Variants in LRRC56 observed in about 807,000 individuals in gnomAD.
The protein encoded by LRRC56 is leucine rich repeat containing 56.
LRRC56 carries 41 observed loss-of-function variants against 47.8 expected under a neutral mutation model. The observed-to-expected ratio is 0.86, with a 90% confidence interval of 0.67 to 1.11. The LOEUF (loss-of-function observed/expected upper bound fraction) is 1.11, where lower values mean the gene tolerates loss of function less well. Ranked by LOEUF, LRRC56 falls within the 50% of genes most tolerant of loss-of-function variation. The pLI is 0.00. For synonymous variants in LRRC56, 387 were observed against 311.2 expected (o/e 1.24, Z -2.56); for missense variants, 759 against 704.2 (o/e 1.08, Z -0.88).
intron 5 of LRRC56, among the ~76,000 whole-genome samples, chr11:543,817 C>T (rs10794327): frequency 0.54 from 82,028 of 151,412 alleles, 23,126 homozygotes; most frequent in African/African-American, 0.7. Context: ...GGCGCAATCT[C>T]GGCTCACTGC....
intron 2 of LRRC56, among the ~76,000 whole-genome samples, chr11:539,170 T>C (rs1188835105): frequency 6.6e-6 from 1 of 152,326 alleles, no homozygotes; most frequent in Admixed American, 6.5e-5. Flanking sequence ...AAGCTCCACC[T>C]CCTGGGTTCA....
chr11:514,630 G>T, the LRRC56 span, among the ~76,000 whole-genome samples: 1 of 152,072 alleles, frequency 6.6e-6, no homozygotes, highest in Non-Finnish European at 1.5e-5. Flanking sequence ...AGGGTAGGGT[G>T]GTGGGAGCCC....
chr11:542,589 A>AAC (rs1851851896), intron 5 of LRRC56, among the ~76,000 whole-genome samples: 1 of 148,512 alleles, frequency 6.7e-6, no homozygotes, highest in African/African-American at 2.5e-5. Context: ...GCAAAAAAAA[A>AAC]AAAAAAAAAA....
the LRRC56 span, among the ~76,000 whole-genome samples, chr11:511,552 G>C: frequency 1.3e-5 from 2 of 152,236 alleles, no homozygotes; most frequent in Non-Finnish European, 2.9e-5. Flanking sequence ...AGGAGCTCAT[G>C]ATAGAGCAGG....
intron 6 of LRRC56, among the ~76,000 whole-genome samples, chr11:549,642 C>T (rs1439459833): frequency 6.6e-6 from 1 of 152,248 alleles, no homozygotes; most frequent in African/African-American, 2.4e-5. Flanking sequence ...GAGCCACCCA[C>T]TATGAGGGCA....
the LRRC56 span, chr11:529,078 C>A: frequency 6.6e-6 from 1 of 152,272 alleles, no homozygotes; most frequent in Non-Finnish European, 1.5e-5. Context: ...CTGTTCCACA[C>A]GGACTATGAA....
the LRRC56 span, among the ~76,000 whole-genome samples, chr11:512,510 C>T: frequency 6.6e-5 from 10 of 152,278 alleles, no homozygotes; most frequent in East Asian, 1.9e-4. Flanking sequence ...GCTGGGATGA[C>T]ACTGAGCCAC....
the LRRC56 span, among the ~76,000 whole-genome samples, chr11:520,394 C>G: frequency 2.0e-5 from 3 of 152,180 alleles, no homozygotes; most frequent in East Asian, 5.8e-4. Context: ...GATCTCGGCT[C>G]TCTGCAACCT....
chr11:551,406 C>A, intron 9 of LRRC56, 104 bp downstream of exon 9: 1 of 824,564 alleles, frequency 1.2e-6, no homozygotes, highest in Non-Finnish European at 1.9e-6. Flanking sequence ...ATCTCATGCG[C>A]TTCTCCAGCC....
At chr11:551,385 C>A in intron 9 of LRRC56, 83 bp downstream of exon 9, 1 of 958,416 alleles carries the variant, frequency 1.0e-6, no homozygotes, top group Non-Finnish European at 1.6e-6. Flanking sequence ...TTCTCAGAAA[C>A]GGATAGCCAC....
chr11:543,802 G>A (rs528690443), intron 5 of LRRC56, among the ~76,000 whole-genome samples: 25 of 152,164 alleles, frequency 1.6e-4, no homozygotes, highest in Non-Finnish European at 2.8e-4. Flanking sequence ...AGGCTGGAGT[G>A]CAGTGGCGCA....
the LRRC56 span, among the ~76,000 whole-genome samples, chr11:527,310 T>C: frequency 2.8e-4 from 42 of 151,824 alleles, no homozygotes; most frequent in Admixed American, 2.5e-3. Context: ...AAAAAAAAAA[T>C]TTGCAACGTG....
the LRRC56 span, among the ~76,000 whole-genome samples, chr11:517,365 C>G: frequency 6.0e-5 from 9 of 149,730 alleles, no homozygotes; most frequent in Non-Finnish European, 1.2e-4. Flanking sequence ...GAAGTGGGCG[C>G]CTCTGCCCAG....
At chr11:510,253 G>C in the LRRC56 span, among the ~76,000 whole-genome samples, 1 of 152,226 alleles carries the variant, frequency 6.6e-6, no homozygotes, top group Non-Finnish European at 1.5e-5. Flanking sequence ...AGACCCCGGG[G>C]AGAGAGGCAC....
At chr11:532,030 C>G in the LRRC56 span, among the ~76,000 whole-genome samples, 1 of 152,228 alleles carries the variant, frequency 6.6e-6, no homozygotes, top group Admixed American at 6.5e-5. Context: ...TCCTTATGAT[C>G]TGCCTGCTTG....
upstream of LRRC56, among the ~76,000 whole-genome samples, chr11:534,925 G>C (rs924255352): frequency 6.6e-6 from 1 of 152,382 alleles, no homozygotes; most frequent in East Asian, 1.9e-4. Flanking sequence ...CAGAAAGCTG[G>C]AGAAGACAGA....
At chr11:522,505 A>C in the LRRC56 span, among the ~76,000 whole-genome samples, 1 of 152,108 alleles carries the variant, frequency 6.6e-6, no homozygotes, top group African/African-American at 2.4e-5. Flanking sequence ...TGACCTCGTG[A>C]TTCGCCCACC....
At chr11:509,262 G>T in the LRRC56 span, among the ~76,000 whole-genome samples, 1 of 152,208 alleles carries the variant, frequency 6.6e-6, no homozygotes, top group South Asian at 2.1e-4. Context: ...GAAGGATGCC[G>T]CCAGTCTGAC....
At position 549,999 on chromosome 11, in the gene LRRC56, G is replaced by T. The variant is rs1564805053; in HGVS notation, c.423+1G>T. ...CATCGCCTCTTTGCCAGCACTTAAG[G>T]TGAGTCTGGGCACCCTGGGCTGGGG... is the stretch of plus-strand genomic sequence containing the variant. On this transcript the variant is annotated splice_donor_variant, in intron 7 of 13. Coordinates refer to ENST00000270115, the MANE Select transcript of LRRC56 (RefSeq NM_198075.4). LOFTEE classifies it high-confidence loss of function. The T allele has an allele frequency of 6.2e-7, 1 of 1,612,704 alleles. No homozygotes were observed. Among genetic ancestry groups the T allele is most frequent in the Non-Finnish European group, 8.5e-7 (1 of 1,179,704 alleles).
Sources: gnomAD v4.1 joint callset for allele counts (sites outside exome capture counted in the v4.1 genomes callset) on GRCh38, gnomAD v4.1.1 for gene constraint, MANE v1.5 for transcripts, NCBI Gene and HGNC (gene_info 2026-07-23, HGNC 2026-07-21) for gene names.